The following COG6 variants were observed in gnomAD, a reference collection of about 807,000 sequenced individuals.
COG6 encodes the protein component of oligomeric golgi complex 6.
A neutral mutation model predicts 88.8 loss-of-function variants in COG6; 74 were observed. That is an observed-to-expected ratio of 0.83 (90% CI 0.69 to 1.01). The LOEUF (loss-of-function observed/expected upper bound fraction) is 1.01, where lower values mean the gene tolerates loss of function less well. Among genes scored for constraint, COG6 ranks in the 50% least tolerant of loss-of-function variants. The pLI is 0.00. For synonymous variants in COG6, 286 were observed against 278.7 expected, an observed-to-expected ratio of 1.03 and a Z score of -0.26; for missense variants, 800 against 797.9, an observed-to-expected ratio of 1.00 and a Z score of -0.03.
chr13:39,655,730 G>A lies in COG6; in HGVS notation c.4G>A (p.Ala2Thr), dbSNP rs765609491. The A allele has an allele frequency of 6.3e-7, 1 of 1,593,850 alleles. No individual in the cohort carries two copies. The highest frequency in any genetic ancestry group is 1.1e-5 in the South Asian group (1 of 88,502). The change falls in exon 1 of 19, where the codon GCA (alanine) becomes ACA (threonine). Residue 2 changes from alanine (A) to threonine (T), a missense_variant. Transcript: ENST00000455146. Reference sequence around the variant, plus strand: ...AGGGGGCGGGACGCGCAGCGCTATGGCAGAGGGCAGCGGGGAAGTGGTCGC... The same window carrying A: ...AGGGGGCGGGACGCGCAGCGCTATGACAGAGGGCAGCGGGGAAGTGGTCGC... The part of the protein sequence containing the change: M[A>T]EGSGEVVAVS...
Position 39,750,930 on chromosome 13 carries a change from G to T in COG6, c.1827-16G>T, listed in dbSNP as rs757847951. 3 of 1,608,000 alleles carry T rather than the reference G, an allele frequency of 1.9e-6. No individual in the cohort carries two copies. In the South Asian group the frequency reaches 3.3e-5, roughly 18 times the overall value. On this transcript the variant is annotated splice_polypyrimidine_tract_variant and intron_variant, in intron 18 of 18. Coordinates refer to ENST00000455146, the MANE Select transcript of COG6 (RefSeq NM_020751.3). Reference sequence around the variant, plus strand: ...TTTTCAAATGATGTGTTTACATTTTGTTTGCTTATCAATAGAGAGCAGATC... The same window carrying T: ...TTTTCAAATGATGTGTTTACATTTTTTTTGCTTATCAATAGAGAGCAGATC...
intron 4 of COG6, among the ~76,000 whole-genome samples, chr13:39,669,544 T>G (rs1160947864): frequency 1.3e-5 from 2 of 152,236 alleles, no homozygotes; most frequent in Middle Eastern, 3.2e-3. Flanking sequence ...TTTTTGTATT[T>G]GCAGTGCCTG....
intron 5 of COG6, chr13:39,679,213 G>T: frequency 3.2e-6 from 1 of 315,150 alleles, no homozygotes; most frequent in Non-Finnish European, 6.0e-6. Context: ...TTTTCATGTA[G>T]TAATTTTTAG....
At chr13:39,739,075 T>C (rs1879913048) in intron 18 of COG6, among the ~76,000 whole-genome samples, 1 of 152,080 alleles carries the variant, frequency 6.6e-6, no homozygotes, top group Admixed American at 6.5e-5. Flanking sequence ...AAAATACACA[T>C]TGTTTTTAAG....
chr13:39,661,730 A>G (rs989457387), intron 3 of COG6, among the ~76,000 whole-genome samples: 9 of 151,342 alleles, frequency 5.9e-5, no homozygotes, highest in Non-Finnish European at 1.2e-4. Flanking sequence ...ATTATATAAT[A>G]TATACTAATT....
chr13:39,697,342 G>A (rs554492738), intron 12 of COG6, among the ~76,000 whole-genome samples: 11 of 148,820 alleles, frequency 7.4e-5, no homozygotes, highest in Non-Finnish European at 1.7e-4. Context: ...GAGGAGAAAC[G>A]ACAAAACTGG....
At chr13:39,686,424 A>T (rs1876642488) in intron 8 of COG6, among the ~76,000 whole-genome samples, 1 of 152,180 alleles carries the variant, frequency 6.6e-6, no homozygotes, top group African/African-American at 2.4e-5. Context: ...TGAATCCCAA[A>T]TTGTCCTATT....
At chr13:39,710,577 GC>G (rs1403435025) in intron 13 of COG6, among the ~76,000 whole-genome samples, 1 of 152,028 alleles carries the variant, frequency 6.6e-6, no homozygotes, top group East Asian at 1.9e-4. Context: ...TGGATCATTT[GC>G]ATTTGGAATA....
intron 13 of COG6, 81 bp from the exon 14 acceptor site, chr13:39,719,155 T>G: frequency 7.1e-7 from 1 of 1,414,522 alleles, no homozygotes; most frequent in Non-Finnish European, 9.9e-7. Context: ...TTTTACATTT[T>G]TTTTTACTAT....
chr13:39,688,661 A>G (rs1224557792), intron 10 of COG6, among the ~76,000 whole-genome samples: 1 of 152,198 alleles, frequency 6.6e-6, no homozygotes, highest in Non-Finnish European at 1.5e-5. Flanking sequence ...GAGGGGACAA[A>G]CATCCAAACT....
chr13:39,788,061 G>A (rs540015167), intron 18 of COG6, among the ~76,000 whole-genome samples: 123 of 152,268 alleles, frequency 8.1e-4, no homozygotes, highest in African/African-American at 2.5e-3. Context: ...GAGGTGTGGA[G>A]CAATTACATT....
intron 4 of COG6, among the ~76,000 whole-genome samples, chr13:39,668,745 G>A (rs1875430141): frequency 6.7e-6 from 1 of 149,586 alleles, no homozygotes; most frequent in South Asian, 2.1e-4. Flanking sequence ...CTGAGAACGC[G>A]CCACTGCACT....
At chr13:39,755,522 C>A (rs770302182), downstream of COG6, among the ~76,000 whole-genome samples, 8 of 152,082 alleles carry the variant, frequency 5.3e-5, no homozygotes, top group Non-Finnish European at 1.2e-4. Flanking sequence ...AATAAACTAA[C>A]CAGAAAGCTT....
chr13:39,751,406 T>C lies in COG6; in HGVS notation c.*313T>C. 1 of 1,318,298 alleles carries C rather than the reference T, an allele frequency of 7.6e-7. No homozygotes were observed. The highest frequency in any genetic ancestry group is 9.9e-7 in the Non-Finnish European group (1 of 1,009,064). The allele number at this position is 1,318,298 out of a possible 1,614,324, so 81.7% of individuals were successfully genotyped here. On this transcript the variant is annotated 3_prime_UTR_variant, in exon 19 of 19. Transcript: ENST00000455146. ...GTATGAAAGGTTTGAAGAATTTTTTTTTACAAGACTAGTTCTAAATTAACA... is the reference window on the plus strand; with the variant it reads ...GTATGAAAGGTTTGAAGAATTTTTTCTTACAAGACTAGTTCTAAATTAACA...
At chr13:39,682,599 C>T in intron 8 of COG6, 1 of 247,532 alleles carries the variant, frequency 4.0e-6, no homozygotes, top group Non-Finnish European at 7.9e-6. Flanking sequence ...TACTTCCCTA[C>T]AGAGACTGAA....
At chr13:39,778,295 A>G (rs1881524178) in intron 18 of COG6, among the ~76,000 whole-genome samples, 1 of 152,194 alleles carries the variant, frequency 6.6e-6, no homozygotes, top group Admixed American at 6.5e-5. Context: ...TGTAATGGAA[A>G]GGTAGTGTCT....
chr13:39,734,816 C>A (rs565841544), intron 18 of COG6, among the ~76,000 whole-genome samples: 1 of 152,182 alleles, frequency 6.6e-6, no homozygotes, highest in African/African-American at 2.4e-5. Context: ...ATTGTTATAT[C>A]CTCTTGCTGA....
intron 18 of COG6, among the ~76,000 whole-genome samples, chr13:39,758,830 A>G (rs1880926510): frequency 6.6e-6 from 1 of 152,218 alleles, no homozygotes; most frequent in African/African-American, 2.4e-5. Context: ...TGAAATATCC[A>G]TCAGCTAATG....
intron 18 of COG6, among the ~76,000 whole-genome samples, chr13:39,743,404 A>C (rs1476123635): frequency 6.6e-6 from 1 of 152,206 alleles, no homozygotes; most frequent in Non-Finnish European, 1.5e-5. Context: ...AGATGCAATA[A>C]AAAATGATAA....
Sources: gnomAD v4.1 joint callset for allele counts (sites outside exome capture counted in the v4.1 genomes callset) on GRCh38, gnomAD v4.1.1 for gene constraint, MANE v1.5 for transcripts, NCBI Gene and HGNC (gene_info 2026-07-23, HGNC 2026-07-21) for gene names.